The following PAK4 variants were observed in gnomAD, a reference collection of about 807,000 sequenced individuals.
PAK4 encodes the protein p21 (RAC1) activated kinase 4.
A neutral mutation model predicts 53.5 loss-of-function variants in PAK4; 49 were observed. That is an observed-to-expected ratio of 0.92 (90% confidence interval 0.73 to 1.16). The LOEUF is 1.16. PAK4 is among the 50% of genes most tolerant of loss of function. PAK4 has a pLI of 0.00. For missense variants in PAK4, 824 were observed against 850.7 expected, an observed-to-expected ratio of 0.97 and a Z score of 0.39; for synonymous variants, 376 against 375.6, an observed-to-expected ratio of 1.00 and a Z score of -0.01.
intron 1 of PAK4, among the ~76,000 whole-genome samples, chr19:39,144,117 T>TAGACAGAC (rs1221421663): frequency 1.5e-4 from 19 of 124,566 alleles, no homozygotes; most frequent in East Asian, 1.1e-3. Context: ...GATAGATAGA[T>TAGACAGAC]AGACAGACAG....
At chr19:39,144,866 A>G (rs2073974514) in intron 1 of PAK4, among the ~76,000 whole-genome samples, 1 of 152,044 alleles carries the variant, frequency 6.6e-6, no homozygotes, top group African/African-American at 2.4e-5. Context: ...AATACAGAGA[A>G]AGCTTTCAGT....
chr19:39,152,941 C>T (rs912243731), intron 1 of PAK4, among the ~76,000 whole-genome samples: 3 of 152,064 alleles, frequency 2.0e-5, no homozygotes, highest in South Asian at 2.1e-4. Flanking sequence ...CTTTTCCATC[C>T]GCGGTTATGG....
intron 1 of PAK4, among the ~76,000 whole-genome samples, chr19:39,167,436 G>A (rs2074395946): frequency 1.3e-5 from 2 of 152,102 alleles, no homozygotes; most frequent in Non-Finnish European, 1.5e-5. Flanking sequence ...GAGAGAGTAG[G>A]TCAGGGCCAC....
At chr19:39,159,787 A>G (rs551496564) in intron 1 of PAK4, among the ~76,000 whole-genome samples, 1 of 152,348 alleles carries the variant, frequency 6.6e-6, no homozygotes, top group South Asian at 2.1e-4. Flanking sequence ...GTCCATGCAG[A>G]GGCCTGGTGG....
Position 39,175,002 on chromosome 19 carries a change from G to T in PAK4, c.1170G>T (p.Glu390Asp), listed in dbSNP as rs1223439326. Reference sequence around the variant, plus strand: ...ACAACAGCTACCTGGTGGGGGACGAGCTCTGGGTGGTCATGGAGTTCCTGG... The same window carrying T: ...ACAACAGCTACCTGGTGGGGGACGATCTCTGGGTGGTCATGGAGTTCCTGG... Residue 390 changes from glutamate to aspartate, a missense_variant, in exon 5 of 9, where the codon GAG (glutamate) becomes GAT (aspartate). Physicochemically the swap from Glu to Asp is conservative, Grantham distance 45 (BLOSUM62 2). Around this residue, in one of 2 missense-constraint regions of PAK4, gnomAD observed 346 missense variants for 415.0 expected, o/e 0.83. Transcript: ENST00000358301. This position sits in a 1 kb window ranked among gnomAD's most constrained non-coding sequence, Gnocchi z 4.7. The T allele has an allele frequency of 6.2e-7, 1 of 1,613,932 alleles. No homozygotes were observed. The highest frequency in any genetic ancestry group is 2.2e-5 in the East Asian group (1 of 44,884).
chr19:39,137,731 A>G (rs1200070849), intron 1 of PAK4, among the ~76,000 whole-genome samples: 3 of 150,938 alleles, frequency 2.0e-5, no homozygotes, highest in Non-Finnish European at 2.9e-5. Flanking sequence ...CAGTGGCACG[A>G]TCTTGGCTCA....
At chr19:39,147,602 A>AT (rs1194269291) in intron 1 of PAK4, among the ~76,000 whole-genome samples, 1 of 152,162 alleles carries the variant, frequency 6.6e-6, no homozygotes, top group Non-Finnish European at 1.5e-5. Flanking sequence ...ACCATGTTAT[A>AT]TTATCACCAG....
rs970186461 is a variant in PAK4 at position 39,177,537 on chromosome 19, G to A, written c.1486-138G>A. On this transcript the variant is annotated intron_variant, in intron 7 of 8. Transcript: ENST00000358301. The stretch of plus-strand genomic sequence containing the variant: ...TAGTGCTCTGTGGACTGCTGGCTGG[G>A]TGCCCAAGAGGGAGTTCTGGGCCAA... 2.5e-5 allele frequency: 21 copies of A among 851,386 alleles called. No homozygotes were observed. The African/African-American group carries it at 3.5e-4, about 14-fold the overall frequency. 52.7% of individuals were successfully genotyped at this position (851,386 alleles called of 1,614,324 possible). A position where few individuals can be genotyped will look rare whatever the true frequency, so the allele number is the denominator to read the frequency against.
chr19:39,158,599 T>G (rs1472630500), intron 1 of PAK4, among the ~76,000 whole-genome samples: 7 of 152,228 alleles, frequency 4.6e-5, no homozygotes, highest in African/African-American at 1.7e-4. Flanking sequence ...CCTTTGTGTC[T>G]GTGCCCTTTT....
chr19:39,165,534 A>G (rs1215499822), intron 1 of PAK4, among the ~76,000 whole-genome samples: 1 of 132,804 alleles, frequency 7.5e-6, no homozygotes, highest in Non-Finnish European at 1.7e-5. Flanking sequence ...AAATAAATAA[A>G]TAAATAAATA....
chr19:39,163,123 G>A (rs2074311665), intron 1 of PAK4, among the ~76,000 whole-genome samples: 1 of 152,182 alleles, frequency 6.6e-6, no homozygotes, highest in Non-Finnish European at 1.5e-5. Context: ...CCAGAAGGTA[G>A]GAGGTAAACT....
At chr19:39,169,691 G>A (rs1477929670) in exon 2 of PAK4, 9 of 1,612,196 alleles carry the variant, frequency 5.6e-6, no homozygotes, top group Admixed American at 1.7e-5. Context: ...TCGAGGAGTC[G>A]GCTCGCCGGC....
At chr19:39,158,076 A>G (rs1291903891) in intron 1 of PAK4, among the ~76,000 whole-genome samples, 2 of 151,410 alleles carry the variant, frequency 1.3e-5, no homozygotes, top group Non-Finnish European at 2.9e-5. Flanking sequence ...GTGAGCATGC[A>G]TGTGTGTGTG....
Position 39,139,066 on chromosome 19 carries a change from T to G in PAK4, c.-23+13147T>G, listed in dbSNP as rs371834057. Among the ~76,000 whole-genome samples, 1,301 of 152,328 alleles carry G rather than the reference T, an allele frequency of 8.5e-3. 23 individuals are homozygous for G. Among genetic ancestry groups the G allele is most frequent in the African/African-American group, 0.029 (1,204 of 41,582 alleles). ...TCATCCCCCACAGCCCATGGCTGGC[T>G]GGGGAGGGGCTGGCCCTGTCCCTCC... is the stretch of plus-strand genomic sequence containing the variant. On this transcript the variant is annotated intron_variant, in intron 1 of 8. Coordinates refer to ENST00000358301, the Ensembl canonical transcript of PAK4.
intron 1 of PAK4, among the ~76,000 whole-genome samples, chr19:39,147,650 G>A (rs1258161529): frequency 7.9e-5 from 12 of 152,072 alleles, no homozygotes; most frequent in Admixed American, 7.9e-4. Flanking sequence ...ATTTGGTGTT[G>A]TCACTATTTT....
intron 1 of PAK4, among the ~76,000 whole-genome samples, chr19:39,167,072 G>GCCGC (rs1600386920): frequency 6.6e-6 from 1 of 152,340 alleles, no homozygotes; most frequent in East Asian, 1.9e-4. Flanking sequence ...AGCTGGGCCA[G>GCCGC]CCGCCCGCCC....
intron 1 of PAK4, among the ~76,000 whole-genome samples, chr19:39,158,448 C>A (rs986532873): frequency 3.3e-5 from 5 of 152,178 alleles, no homozygotes; most frequent in Admixed American, 3.3e-4. Context: ...CACATCACCC[C>A]CTTCCCCCTG....
At chr19:39,170,110 GC>G (rs2074451102) in intron 2 of PAK4, among the ~76,000 whole-genome samples, 1 of 152,148 alleles carries the variant, frequency 6.6e-6, no homozygotes, top group Admixed American at 6.5e-5. Flanking sequence ...CCTTTCCAGA[GC>G]TCCTGGCAGT....
rs889258063 is a variant in PAK4, at chr19:39,138,868, C to T, written c.-23+12949C>T. 8.5e-5 allele frequency among the ~76,000 whole-genome samples: 13 copies of T among 152,200 alleles called. No homozygotes were observed. The South Asian group carries it at 2.5e-3, about 29-fold the overall frequency. On this transcript the variant is annotated intron_variant, in intron 1 of 8. Coordinates refer to ENST00000358301, the Ensembl canonical transcript of PAK4. Reference sequence around the variant, plus strand: ...CAGCTCAGCTGGGGTCTCCCCACAGCGTGGCAGGAAGGAGCCAGGACCCAG... The same window carrying T: ...CAGCTCAGCTGGGGTCTCCCCACAGTGTGGCAGGAAGGAGCCAGGACCCAG...
Sources: allele counts gnomAD v4.1 joint callset (sites outside exome capture counted in the v4.1 genomes callset), GRCh38; gene constraint gnomAD v4.1.1; regional missense constraint gnomAD v4.1.1; non-coding constraint Gnocchi (gnomAD v3.1); transcripts MANE v1.5; gene names NCBI Gene and HGNC (gene_info 2026-07-23, HGNC 2026-07-21).